The following PHACTR4 variants were observed in gnomAD, a reference collection of about 807,000 sequenced individuals.
PHACTR4 encodes the protein phosphatase and actin regulator 4, also known as protein phosphatase 1, regulatory subunit 124.
In PHACTR4, 51 loss-of-function variants were observed where a neutral mutation model predicts 72.7. The observed-to-expected ratio is 0.70, with a 90% CI of 0.56 to 0.89. The LOEUF (loss-of-function observed/expected upper bound fraction) is 0.89. Among genes scored for constraint, PHACTR4 ranks in the 40% least tolerant of loss-of-function variants. The pLI, the probability that PHACTR4 is intolerant of heterozygous loss-of-function variation, is 0.00. For synonymous variants in PHACTR4, 255 were observed against 302.5 expected (o/e 0.84, Z 1.63); for missense variants, 731 against 861.8 (o/e 0.85, Z 1.90).
At chr1:28,415,273 AAGAGAG>A (rs200306436) in intron 2 of PHACTR4, among the ~76,000 whole-genome samples, 5 of 148,924 alleles carry the variant, frequency 3.4e-5, no homozygotes, top group Admixed American at 6.7e-5. Context: ...AAAAAAAAAA[AAGAGAG>A]AGAAAAGAAA....
At chr1:28,380,348 G>C (rs1046838809) in intron 1 of PHACTR4, among the ~76,000 whole-genome samples, 1 of 152,096 alleles carries the variant, frequency 6.6e-6, no homozygotes, top group African/African-American at 2.4e-5. Context: ...GAGCCACCGC[G>C]CCCGGCCTTA....
At chr1:28,476,333 A>G (rs756909188) in intron 8 of PHACTR4, 42 bp downstream of exon 8, 2 of 1,523,542 alleles carry the variant, frequency 1.3e-6, no homozygotes, top group Admixed American at 2.3e-5. Context: ...ATTCTTTTCC[A>G]GATAAAACTA....
intron 2 of PHACTR4, among the ~76,000 whole-genome samples, chr1:28,454,437 C>T (rs955106053): frequency 5.3e-5 from 8 of 152,020 alleles, no homozygotes; most frequent in East Asian, 1.9e-4. Context: ...CCACTGCGCC[C>T]GGCTAATTTT....
Position 28,491,094 on chromosome 1 carries a change from C to T in PHACTR4, c.1878+82C>T. ...GATTGGAAATGAATTCACAGCTGGG[C>T]ACAGTGGCTTGCGCCTGTAATCCCA... On this transcript the variant is annotated intron_variant, in intron 11 of 13. Transcript: ENST00000373839. The T allele has an allele frequency of 2.9e-6, 4 of 1,397,016 alleles. No individual in the cohort carries two copies. In the South Asian group the frequency reaches 4.7e-5, roughly 16 times the overall value. The allele number at this position is 1,397,016 out of a possible 1,614,324, so 86.5% of individuals were successfully genotyped here.
intron 2 of PHACTR4, among the ~76,000 whole-genome samples, chr1:28,409,846 T>C (rs1283038389): frequency 1.1e-4 from 16 of 151,810 alleles, no homozygotes; most frequent in African/African-American, 3.9e-4. Flanking sequence ...CTTTCCCCCC[T>C]GAAGAGTAGT....
Position 28,496,555 on chromosome 1 carries a change from A to G in PHACTR4, c.*6A>G, listed in dbSNP as rs182449535. ...TTAGCTACCATCGTCCATGATGCCA[A>G]AGGTTGAGAGAGGAATCAACATGGC... On this transcript the variant is annotated 3_prime_UTR_variant, in exon 14 of 14. Coordinates refer to ENST00000373839, the MANE Select transcript of PHACTR4 (RefSeq NM_001048183.3). 1.2e-4 allele frequency: 190 copies of G among 1,613,844 alleles called. No individual in the cohort carries two copies. Among genetic ancestry groups the G allele is most frequent in the Non-Finnish European group, 1.5e-4 (176 of 1,179,928 alleles).
intron 4 of PHACTR4, among the ~76,000 whole-genome samples, chr1:28,460,933 C>T (rs188634948): frequency 2.0e-5 from 3 of 152,182 alleles, no homozygotes; most frequent in Admixed American, 6.5e-5. Context: ...CTTGAGCCAC[C>T]GCGCCCAGCT....
intron 2 of PHACTR4, among the ~76,000 whole-genome samples, chr1:28,422,174 G>A (rs1655551145): frequency 6.6e-6 from 1 of 152,116 alleles, no homozygotes. Flanking sequence ...TGTACTTGTG[G>A]AAATTATTAA....
Position 28,466,848 on chromosome 1 carries a change from A to G in PHACTR4, c.823+80A>G, listed in dbSNP as rs1659212452. 3 of 1,503,086 alleles carry G rather than the reference A, an allele frequency of 2.0e-6. No individual in the cohort carries two copies. In the Admixed American group the frequency reaches 6.1e-5, roughly 30 times the overall value. The allele number at this position is 1,503,086 out of a possible 1,614,324, so 93.1% of individuals were successfully genotyped here. On this transcript the variant is annotated intron_variant, in intron 6 of 13. Transcript: ENST00000373839. ...TATTTTATTTGATAACTGGTACAAC[A>G]TTGATTTGGTCTGTGAGAATTTTCC...
intron 2 of PHACTR4, among the ~76,000 whole-genome samples, chr1:28,426,727 T>A (rs1422517730): frequency 6.6e-6 from 1 of 151,604 alleles, no homozygotes; most frequent in Non-Finnish European, 1.5e-5. Flanking sequence ...AAGACTTTTT[T>A]TTTTTTTTTA....
At chr1:28,489,345 GC>G in intron 10 of PHACTR4, 120 bp downstream of exon 10, 2 of 758,946 alleles carry the variant, frequency 2.6e-6, no homozygotes, top group Non-Finnish European at 4.2e-6. Flanking sequence ...TTCCAGCCAG[GC>G]AAGGACTATT....
At chr1:28,439,762 C>T (rs1285901146) in intron 2 of PHACTR4, among the ~76,000 whole-genome samples, 3 of 152,056 alleles carry the variant, frequency 2.0e-5, no homozygotes, top group African/African-American at 7.2e-5. Flanking sequence ...TCTTTGTTTC[C>T]AGAATTAAAC....
intron 1 of PHACTR4, among the ~76,000 whole-genome samples, chr1:28,395,662 CAG>C (rs1370196630): frequency 8.1e-6 from 1 of 123,684 alleles, no homozygotes; most frequent in Admixed American, 9.3e-5. Flanking sequence ...TTTTTTGAGT[CAG>C]AGTCTCACTC....
chr1:28,447,038 T>A (rs1657529319), intron 2 of PHACTR4, among the ~76,000 whole-genome samples: 1 of 134,578 alleles, frequency 7.4e-6, no homozygotes, highest in Non-Finnish European at 1.5e-5. Context: ...TTAGATAGAG[T>A]CTCACTTTGT....
chr1:28,417,132 A>G (rs1279096552), intron 2 of PHACTR4, among the ~76,000 whole-genome samples: 1 of 152,088 alleles, frequency 6.6e-6, no homozygotes, highest in African/African-American at 2.4e-5. Context: ...CTCAAGAAAT[A>G]AAAATCCTAT....
rs528451716 is a variant in PHACTR4, at chr1:28,481,799, A to G, written c.1760+1195A>G. Among the ~76,000 whole-genome samples the G allele has an allele frequency of 6.3e-4, 93 of 148,258 alleles. 2 individuals are homozygous for G. The East Asian group carries it at 0.01, about 17-fold the overall frequency. The stretch of plus-strand genomic sequence containing the variant: ...AGTGAGACTCCATCTAAAAAAAAAA[A>G]AAAGAAAAGAAAAGAAACAAAAAAA... On this transcript the variant is annotated intron_variant, in intron 9 of 13. Transcript: ENST00000373839.
At chr1:28,383,890 G>A (rs1026080619) in intron 1 of PHACTR4, among the ~76,000 whole-genome samples, 15 of 151,940 alleles carry the variant, frequency 9.9e-5, no homozygotes, top group Admixed American at 4.6e-4. Context: ...GAATTTTATC[G>A]AAAGCCTTTA....
At chr1:28,482,601 A>G (rs1002242847) in intron 9 of PHACTR4, among the ~76,000 whole-genome samples, 6 of 152,140 alleles carry the variant, frequency 3.9e-5, no homozygotes, top group African/African-American at 1.4e-4. Flanking sequence ...TTAATTGATC[A>G]TGTCTACTAA....
At chr1:28,426,596 G>A (rs1655870296) in intron 2 of PHACTR4, among the ~76,000 whole-genome samples, 1 of 152,010 alleles carries the variant, frequency 6.6e-6, no homozygotes, top group Non-Finnish European at 1.5e-5. Context: ...CCCGGGAGGC[G>A]GAGCTTGCAG....
Sources: gnomAD v4.1 joint callset for allele counts (sites outside exome capture counted in the v4.1 genomes callset) on GRCh38, gnomAD v4.1.1 for gene constraint, MANE v1.5 for transcripts, NCBI Gene and HGNC (gene_info 2026-07-23, HGNC 2026-07-21) for gene names.